KLHL1: variants seen among roughly 807,000 people sequenced by gnomAD.
KLHL1 encodes kelch-like protein 1.
KLHL1 carries 47 observed loss-of-function variants against 77.7 expected under a neutral mutation model. The ratio of observed to expected loss-of-function variants is 0.60; its 90% CI spans 0.48 to 0.77. The LOEUF (loss-of-function observed/expected upper bound fraction) is 0.77, where lower values mean the gene tolerates loss of function less well. Among genes scored for constraint, KLHL1 ranks in the 30% least tolerant of loss-of-function variants. The probability of loss-of-function intolerance (pLI) is 0.00; values close to 1 mark genes in which losing one functional copy is unlikely to be tolerated. For synonymous variants in KLHL1, 360 were observed against 325.2 expected (o/e 1.11, Z -1.15); for missense variants, 925 against 910.8 (o/e 1.02, Z -0.20).
At chr13:69,881,063 C>A (rs754479195) in intron 5 of KLHL1, among the ~76,000 whole-genome samples, 6 of 152,142 alleles carry the variant, frequency 3.9e-5, no homozygotes, top group Non-Finnish European at 4.4e-5. Context: ...AGCAAAATTT[C>A]TTTGTCTAGG....
At position 69,881,687 on chromosome 13, in the gene KLHL1, A is replaced by C. The variant is rs138530191; in HGVS notation, c.1227+596T>G. Among the ~76,000 whole-genome samples, 534 of 152,264 alleles carry C rather than the reference A, an allele frequency of 3.5e-3. 7 individuals are homozygous for C. Among genetic ancestry groups the C allele is most frequent in the African/African-American group, 0.012 (498 of 41,558 alleles). Reference sequence around the variant, plus strand: ...GTTCTTATTAATTTTTCTGTACCCTACTTAACTCATCGATAAAGTTAAGTT... The same window carrying C: ...GTTCTTATTAATTTTTCTGTACCCTCCTTAACTCATCGATAAAGTTAAGTT... On this transcript the variant is annotated intron_variant, in intron 5 of 10. Transcript: ENST00000377844.
intron 7 of KLHL1, among the ~76,000 whole-genome samples, chr13:69,759,429 C>T (rs992528408): frequency 6.6e-6 from 1 of 152,150 alleles, no homozygotes; most frequent in Non-Finnish European, 1.5e-5. Flanking sequence ...GCAAAAATGT[C>T]TAAATTATAT....
chr13:69,740,294 TA>T, intron 8 of KLHL1, 99 bp downstream of exon 8: 1 of 850,564 alleles, frequency 1.2e-6, no homozygotes, highest in Non-Finnish European at 1.7e-6. Flanking sequence ...TAAAATGTTT[TA>T]AAACAATTTT....
At chr13:69,985,861 T>A (rs867876755) in intron 1 of KLHL1, among the ~76,000 whole-genome samples, 1 of 89,936 alleles carries the variant, frequency 1.1e-5, no homozygotes, top group East Asian at 2.5e-4. Flanking sequence ...TATATATACA[T>A]AGTATTCCAC....
At chr13:69,759,354 A>G (rs1365000521) in intron 7 of KLHL1, among the ~76,000 whole-genome samples, 2 of 152,186 alleles carry the variant, frequency 1.3e-5, no homozygotes, top group Non-Finnish European at 2.9e-5. Context: ...TTACAGAACC[A>G]ATAGTTTTAT....
At position 69,939,376 on chromosome 13, in the gene KLHL1, T is replaced by TACACAC. The variant is rs1289855592; in HGVS notation, c.1014+663_1014+664insGTGTGT. On this transcript the variant is annotated intron_variant, in intron 4 of 10. Coordinates refer to ENST00000377844, the MANE Select transcript of KLHL1 (RefSeq NM_020866.3). ...ATATATATATATATATATATATATA[T>TACACAC]ATACACACACACACGCACACACATA... is the stretch of plus-strand genomic sequence containing the variant. 1.8e-3 allele frequency among the ~76,000 whole-genome samples: 85 copies of TACACAC among 48,494 alleles called. 2 individuals carry two copies. Among genetic ancestry groups the TACACAC allele is most frequent in the African/African-American group, 4.0e-3 (48 of 12,052 alleles). The allele number at this position is 48,494 out of a possible 152,430, so 31.8% of individuals were successfully genotyped here. A position where few individuals can be genotyped will look rare whatever the true frequency, so the allele number is the denominator to read the frequency against.
rs530631519 is a variant in KLHL1, at chr13:70,107,723, G to T, written c.-24C>A. On this transcript the variant is annotated 5_prime_UTR_variant, in exon 1 of 11. Coordinates refer to ENST00000377844, the MANE Select transcript of KLHL1 (RefSeq NM_020866.3). ...ATGCTTTACGCACAGAAGGCAAAAG[G>T]CTGGCAGCTCACGCAGGAGTAGGCT... 5.3e-6 allele frequency: 8 copies of T among 1,498,168 alleles called. No individual in the cohort carries two copies. Among genetic ancestry groups the T allele is most frequent in the Non-Finnish European group, 6.2e-6 (7 of 1,128,224 alleles). The allele number at this position is 1,498,168 out of a possible 1,614,324, so 92.8% of individuals were successfully genotyped here. A position where few individuals can be genotyped will look rare whatever the true frequency, so the allele number is the denominator to read the frequency against.
At chr13:70,067,046 A>G (rs922904792) in intron 1 of KLHL1, among the ~76,000 whole-genome samples, 2 of 152,194 alleles carry the variant, frequency 1.3e-5, no homozygotes, top group East Asian at 1.9e-4. Flanking sequence ...AAATAACATT[A>G]AGAGAACGAA....
chr13:69,829,029 G>A (rs1878659472), intron 6 of KLHL1, among the ~76,000 whole-genome samples: 1 of 150,432 alleles, frequency 6.6e-6, no homozygotes, highest in Admixed American at 6.6e-5. Flanking sequence ...CCCATTGCCT[G>A]AGAAACCCAA....
At position 69,742,411 on chromosome 13, in the gene KLHL1, T is replaced by C. The variant is rs1874024565; in HGVS notation, c.1640-1855A>G. 2.0e-5 allele frequency among the ~76,000 whole-genome samples: 3 copies of C among 152,132 alleles called. No homozygotes were observed. In the South Asian group the frequency reaches 6.2e-4, roughly 32 times the overall value. The stretch of plus-strand genomic sequence containing the variant: ...GATGTGCAGAAATATGAGAGACCCA[T>C]GAAGAATTGTCTCCCAAAACTGATG... On this transcript the variant is annotated intron_variant, in intron 7 of 10. Coordinates refer to ENST00000377844, the MANE Select transcript of KLHL1 (RefSeq NM_020866.3).
intron 4 of KLHL1, among the ~76,000 whole-genome samples, chr13:69,911,305 T>C (rs1409958914): frequency 7.9e-5 from 12 of 152,000 alleles, no homozygotes; most frequent in African/African-American, 2.9e-4. Flanking sequence ...TGGGAGAAAA[T>C]CAATTGTTGA....
intron 2 of KLHL1, among the ~76,000 whole-genome samples, chr13:69,962,015 TA>T (rs1884080458): frequency 6.6e-6 from 1 of 152,032 alleles, no homozygotes; most frequent in Admixed American, 6.6e-5. Flanking sequence ...AAATAATTCC[TA>T]AAGCATTTTG....
chr13:69,933,048 C>T (rs970374675), intron 4 of KLHL1, among the ~76,000 whole-genome samples: 1 of 152,050 alleles, frequency 6.6e-6, no homozygotes, highest in Non-Finnish European at 1.5e-5. Flanking sequence ...CACATTTTTA[C>T]TTAGTTCTTT....
intron 6 of KLHL1, among the ~76,000 whole-genome samples, chr13:69,802,103 G>A (rs565702322): frequency 2.6e-5 from 4 of 152,054 alleles, no homozygotes; most frequent in Non-Finnish European, 5.9e-5. Context: ...ACTTATGAGT[G>A]AGAACATGCA....
Position 69,700,923 on chromosome 13 carries a change from C to T in KLHL1, c.*779G>A, listed in dbSNP as rs138920612. 1.5e-4 allele frequency: 23 copies of T among 152,454 alleles called. No homozygotes were observed. Among genetic ancestry groups the T allele is most frequent in the African/African-American group, 4.8e-4 (20 of 41,560 alleles). The allele number at this position is 152,454 out of a possible 1,614,324, so 9.4% of individuals were successfully genotyped here. On this transcript the variant is annotated 3_prime_UTR_variant, in exon 11 of 11. Transcript: ENST00000377844. ...AGAATCACTAGCTTCCATGCTTACA[C>T]TGAACTCAACATAAGGCAAAAGCCC...
At chr13:70,009,946 T>C (rs1343967737) in intron 1 of KLHL1, among the ~76,000 whole-genome samples, 1 of 150,310 alleles carries the variant, frequency 6.7e-6, no homozygotes, top group African/African-American at 2.5e-5. Context: ...TACCATTGTA[T>C]AATAAAGTCA....
At chr13:70,103,839 T>G (rs772781923) in intron 1 of KLHL1, among the ~76,000 whole-genome samples, 5 of 152,098 alleles carry the variant, frequency 3.3e-5, no homozygotes, top group Non-Finnish European at 5.9e-5. Flanking sequence ...TTGACTGGAC[T>G]CTATGACATC....
At chr13:69,998,525 A>G (rs1885211726) in intron 1 of KLHL1, among the ~76,000 whole-genome samples, 1 of 152,118 alleles carries the variant, frequency 6.6e-6, no homozygotes, top group Admixed American at 6.6e-5. Flanking sequence ...CACAAATTGT[A>G]TATCTGAGAA....
At chr13:69,850,686 A>C (rs555851823) in intron 5 of KLHL1, among the ~76,000 whole-genome samples, 1 of 151,780 alleles carries the variant, frequency 6.6e-6, no homozygotes, top group African/African-American at 2.4e-5. Context: ...AACTACTCCC[A>C]CAGCGTCCTA....
Sources: allele counts gnomAD v4.1 joint callset (sites outside exome capture counted in the v4.1 genomes callset), GRCh38; gene constraint gnomAD v4.1.1; transcripts MANE v1.5; gene names NCBI Gene and HGNC (gene_info 2026-07-23, HGNC 2026-07-21).